Variants in BLTP3A observed in about 807,000 individuals in gnomAD.
BLTP3A encodes the protein bridge-like lipid transfer protein family member 3A, also known as ICBP90 binding protein 1.
the BLTP3A span, chr6:34,875,937 A>C: frequency 4.6e-5 from 7 of 152,618 alleles, no homozygotes; most frequent in Admixed American, 2.6e-4. Context: ...ACAATACCTC[A>C]AGAAAATGTC....
chr6:34,798,594 CTT>C, the BLTP3A span, among the ~76,000 whole-genome samples: 27 of 94,456 alleles, frequency 2.9e-4, no homozygotes, highest in Non-Finnish European at 3.4e-4. Flanking sequence ...TTCTTTCTTT[CTT>C]TTTTTTTTTT....
chr6:34,822,098 T>C, the BLTP3A span: 5 of 999,430 alleles, frequency 5.0e-6, no homozygotes, highest in East Asian at 1.2e-4. Flanking sequence ...TCTGAGACAG[T>C]GTGACTGTTG....
the BLTP3A span, among the ~76,000 whole-genome samples, chr6:34,792,705 C>G: frequency 6.6e-6 from 1 of 152,230 alleles, no homozygotes; most frequent in African/African-American, 2.4e-5. Flanking sequence ...GCTGTCTTCT[C>G]TCTGCTTTCT....
At chr6:34,851,550 C>G in the BLTP3A span, among the ~76,000 whole-genome samples, 1 of 152,204 alleles carries the variant, frequency 6.6e-6, no homozygotes, top group South Asian at 2.1e-4. Context: ...ATGGCCACCA[C>G]CACTGGTATT....
the BLTP3A span, among the ~76,000 whole-genome samples, chr6:34,854,202 A>C: frequency 6.6e-6 from 1 of 152,204 alleles, no homozygotes; most frequent in African/African-American, 2.4e-5. Context: ...AGCCTGGGCA[A>C]TAGAGTGAGA....
At chr6:34,831,125 T>G in the BLTP3A span, among the ~76,000 whole-genome samples, 145 of 140,790 alleles carry the variant, frequency 1.0e-3, 2 homozygotes, top group Middle Eastern at 3.5e-3. Flanking sequence ...CTGATCACTC[T>G]TAATTTTTTT....
At chr6:34,863,160 G>A in the BLTP3A span, among the ~76,000 whole-genome samples, 2 of 152,106 alleles carry the variant, frequency 1.3e-5, no homozygotes, top group East Asian at 3.9e-4. Flanking sequence ...GCCTGCCTTG[G>A]CCTCCCAAAG....
At chr6:34,864,018 A>T in the BLTP3A span, 2 of 1,610,208 alleles carry the variant, frequency 1.2e-6, no homozygotes, top group South Asian at 2.2e-5. Flanking sequence ...CATGGCCAAG[A>T]CAGATGAGGG....
chr6:34,834,988 T>TA, the BLTP3A span: 1 of 1,231,310 alleles, frequency 8.1e-7, no homozygotes, highest in Non-Finnish European at 1.1e-6. Context: ...GGAAGGCCTG[T>TA]AAATCAGTGT....
At chr6:34,861,833 C>T in the BLTP3A span, among the ~76,000 whole-genome samples, 1 of 152,204 alleles carries the variant, frequency 6.6e-6, no homozygotes, top group Admixed American at 6.5e-5. Flanking sequence ...GACTCTCCCA[C>T]CTTGGCTTCC....
chr6:34,862,138 G>T, the BLTP3A span, among the ~76,000 whole-genome samples: 2 of 152,036 alleles, frequency 1.3e-5, no homozygotes, highest in African/African-American at 4.8e-5. Context: ...CAGCACTTTG[G>T]GGGGCCAAGG....
At chr6:34,871,577 C>A in the BLTP3A span, 1 of 1,611,704 alleles carries the variant, frequency 6.2e-7, no homozygotes, top group South Asian at 1.1e-5. Context: ...TTCTCTCTTT[C>A]CTGCAGGATG....
the BLTP3A span, among the ~76,000 whole-genome samples, chr6:34,793,073 T>A: frequency 6.6e-6 from 1 of 152,232 alleles, no homozygotes. Context: ...TTTGACAGCC[T>A]GTGAAAAGAA....
chr6:34,831,958 G>A, the BLTP3A span, among the ~76,000 whole-genome samples: 1 of 152,064 alleles, frequency 6.6e-6, no homozygotes, highest in Admixed American at 6.6e-5. Context: ...GGGACTACAG[G>A]TGTGCACCAC....
At chr6:34,811,774 G>A in the BLTP3A span, among the ~76,000 whole-genome samples, 1 of 150,664 alleles carries the variant, frequency 6.6e-6, no homozygotes, top group African/African-American at 2.4e-5. Flanking sequence ...CAGGACAATC[G>A]CTTGAACCCA....
the BLTP3A span, chr6:34,858,472 G>C: frequency 9.8e-5 from 158 of 1,614,134 alleles, 1 homozygote; most frequent in Middle Eastern, 1.6e-4. Context: ...CTTGGACTTT[G>C]AGGGAACAGA....
chr6:34,846,802 T>C, the BLTP3A span, among the ~76,000 whole-genome samples: 1 of 152,228 alleles, frequency 6.6e-6, no homozygotes, highest in Non-Finnish European at 1.5e-5. Context: ...CGGTACTATG[T>C]TGAATAACAG....
the BLTP3A span, chr6:34,835,173 G>A: frequency 3.6e-6 from 4 of 1,101,720 alleles, no homozygotes; most frequent in South Asian, 6.3e-5. Context: ...TCTCCAAAGT[G>A]CTTGATACTT....
At chr6:34,804,421 GT>G in the BLTP3A span, among the ~76,000 whole-genome samples, 2 of 152,194 alleles carry the variant, frequency 1.3e-5, no homozygotes, top group Non-Finnish European at 2.9e-5. Flanking sequence ...CTAACTGCCA[GT>G]AGGTCTGTAA....
Sources: allele counts gnomAD v4.1 joint callset (sites outside exome capture counted in the v4.1 genomes callset), GRCh38; gene constraint gnomAD v4.1.1; transcripts MANE v1.5; gene names NCBI Gene and HGNC (gene_info 2026-07-23, HGNC 2026-07-21).